The following FRMD3 variants were observed in gnomAD, a reference collection of about 807,000 sequenced individuals.
FRMD3 encodes FERM domain-containing protein 3.
Under a neutral mutation model 70.2 loss-of-function variants are expected in FRMD3, and 33 were observed. The observed-to-expected ratio is 0.47, with a 90% CI of 0.36 to 0.63. The LOEUF is 0.63. Ranked by LOEUF, FRMD3 falls within the 20% of genes least tolerant of loss-of-function variation. The pLI, the probability that FRMD3 is intolerant of heterozygous loss-of-function variation, is 0.00. For missense variants in FRMD3, 632 were observed against 711.4 expected, an observed-to-expected ratio of 0.89 and a Z score of 1.27; for synonymous variants, 279 against 255.9, an observed-to-expected ratio of 1.09 and a Z score of -0.86.
intron 1 of FRMD3, among the ~76,000 whole-genome samples, chr9:83,522,302 T>C (rs764902992): frequency 1.3e-5 from 2 of 152,108 alleles, no homozygotes; most frequent in African/African-American, 4.8e-5. Flanking sequence ...CACTTAAAAA[T>C]GGCTAACATG....
At chr9:83,493,321 C>A (rs763689833) in intron 1 of FRMD3, among the ~76,000 whole-genome samples, 3 of 152,210 alleles carry the variant, frequency 2.0e-5, no homozygotes, top group Non-Finnish European at 4.4e-5. Context: ...AGCTCAATAT[C>A]TTTTATCCTC....
intron 4 of FRMD3, among the ~76,000 whole-genome samples, chr9:83,348,054 C>T (rs116160229): frequency 0.011 from 1,651 of 152,190 alleles, 42 homozygotes; most frequent in African/African-American, 0.038. Context: ...TCAAATAGGA[C>T]TTTTTTCAAC....
intron 2 of FRMD3, among the ~76,000 whole-genome samples, chr9:83,380,309 T>C (rs1325068761): frequency 6.6e-6 from 1 of 152,040 alleles, no homozygotes; most frequent in Non-Finnish European, 1.5e-5. Context: ...ACAAAGGGGG[T>C]GAAAAAGCAG....
At chr9:83,408,226 G>T (rs1206617441) in intron 1 of FRMD3, among the ~76,000 whole-genome samples, 2 of 152,208 alleles carry the variant, frequency 1.3e-5, no homozygotes, top group Admixed American at 1.3e-4. Flanking sequence ...TGTGCCACAG[G>T]GGAATAAAAG....
chr9:83,391,593 A>G (rs553702308), intron 1 of FRMD3, among the ~76,000 whole-genome samples: 1 of 152,364 alleles, frequency 6.6e-6, no homozygotes, highest in Admixed American at 6.5e-5. Flanking sequence ...TTTGCCCTAA[A>G]GAAGATGTAC....
intron 6 of FRMD3, among the ~76,000 whole-genome samples, chr9:83,331,380 G>A (rs895007898): frequency 2.6e-5 from 4 of 152,158 alleles, no homozygotes; most frequent in African/African-American, 9.7e-5. Context: ...TTCCAACTAT[G>A]ACATTCTGGG....
intron 1 of FRMD3, among the ~76,000 whole-genome samples, chr9:83,411,981 T>A (rs1315122086): frequency 6.6e-6 from 1 of 152,222 alleles, no homozygotes; most frequent in Non-Finnish European, 1.5e-5. Flanking sequence ...CTGCCCATCT[T>A]GTTTTTAAGG....
At chr9:83,325,465 C>G (rs1272733897) in intron 6 of FRMD3, among the ~76,000 whole-genome samples, 1 of 151,708 alleles carries the variant, frequency 6.6e-6, no homozygotes, top group Non-Finnish European at 1.5e-5. Flanking sequence ...GCTAGGACTA[C>G]AGGAGCATGC....
intron 9 of FRMD3, among the ~76,000 whole-genome samples, 178 bp from the exon 10 acceptor site, chr9:83,309,802 C>T (rs1363690813): frequency 1.3e-5 from 2 of 152,104 alleles, no homozygotes; most frequent in East Asian, 3.9e-4. Context: ...TCACCCCTCC[C>T]TCACCCTTTG....
In FRMD3 at chr9:83,501,692, T is replaced by C. The variant is rs1191433318; in HGVS notation, c.147+36393A>G. 5.3e-5 allele frequency among the ~76,000 whole-genome samples: 8 copies of C among 152,330 alleles called. No homozygotes were observed. In the East Asian group the frequency reaches 1.2e-3, roughly 22 times the overall value. ...CATGAAAACCTGTATTTGCTGCCTC[T>C]AGGTAACAAGATGATTGGTATGTAA... On this transcript the variant is annotated intron_variant, in intron 1 of 13. Transcript: ENST00000304195.
intron 1 of FRMD3, among the ~76,000 whole-genome samples, chr9:83,487,361 G>A (rs561757373): frequency 6.6e-6 from 1 of 152,186 alleles, no homozygotes; most frequent in South Asian, 2.1e-4. Context: ...CCAAAAAACA[G>A]CCTATCTCAC....
chr9:83,461,663 CCCTTTTTTTTTTT>C (rs1827974762), intron 1 of FRMD3, among the ~76,000 whole-genome samples: 3 of 126,070 alleles, frequency 2.4e-5, no homozygotes, highest in African/African-American at 8.8e-5. Flanking sequence ...TCAGGAATTT[CCCTTTTTTTTTTT>C]TTTTTTTTTT....
At chr9:83,339,041 C>T (rs554178694) in intron 5 of FRMD3, among the ~76,000 whole-genome samples, 1 of 152,248 alleles carries the variant, frequency 6.6e-6, no homozygotes, top group East Asian at 1.9e-4. Context: ...GGGTCATCTT[C>T]AATGCAAATG....
intron 2 of FRMD3, among the ~76,000 whole-genome samples, chr9:83,380,457 A>G (rs765636555): frequency 7.2e-5 from 11 of 152,166 alleles, no homozygotes; most frequent in Non-Finnish European, 1.6e-4. Context: ...GATATTGCCA[A>G]TGAATGTTTC....
chr9:83,364,355 G>A (rs543896079), intron 3 of FRMD3, among the ~76,000 whole-genome samples: 3 of 152,268 alleles, frequency 2.0e-5, no homozygotes, highest in South Asian at 4.1e-4. Flanking sequence ...TCAAGAGATC[G>A]AGACCATCCT....
chr9:83,546,248 A>ATAGGAGGC, the FRMD3 span, among the ~76,000 whole-genome samples: 30 of 152,212 alleles, frequency 2.0e-4, no homozygotes, highest in African/African-American at 5.5e-4. Context: ...TCCCAGTTAC[A>ATAGGAGGC]TAGGAGGCTG....
intron 1 of FRMD3, among the ~76,000 whole-genome samples, chr9:83,473,004 C>T (rs191359869): frequency 6.6e-6 from 1 of 152,264 alleles, no homozygotes; most frequent in East Asian, 1.9e-4. Context: ...TGTGGCGAAA[C>T]CTCCCAGGCT....
intron 6 of FRMD3, among the ~76,000 whole-genome samples, chr9:83,318,645 A>T (rs11140023): frequency 6.6e-6 from 1 of 151,956 alleles, no homozygotes; most frequent in South Asian, 2.1e-4. Flanking sequence ...CTTTGGGTAG[A>T]TATATATACA....
intron 13 of FRMD3, among the ~76,000 whole-genome samples, chr9:83,248,880 G>A (rs533940108): frequency 4.7e-4 from 71 of 151,976 alleles, no homozygotes; most frequent in Non-Finnish European, 8.8e-4. Context: ...AATATCACCC[G>A]ATATATTATA....
Sources: allele counts gnomAD v4.1 joint callset (sites outside exome capture counted in the v4.1 genomes callset), GRCh38; gene constraint gnomAD v4.1.1; transcripts MANE v1.5; gene names NCBI Gene and HGNC (gene_info 2026-07-23, HGNC 2026-07-21).